Variants in KLHL13 observed in about 807,000 individuals in gnomAD.
The protein encoded by KLHL13 is kelch-like protein 13.
In KLHL13, 10 loss-of-function variants were observed where a neutral mutation model predicts 37.1. The ratio of observed to expected loss-of-function variants is 0.27; its 90% CI spans 0.17 to 0.46. The LOEUF (loss-of-function observed/expected upper bound fraction) is 0.46. KLHL13 is among the 20% of genes least tolerant of loss of function. KLHL13 has a pLI of 1.00. For synonymous variants in KLHL13, 163 were observed against 181.2 expected, an observed-to-expected ratio of 0.90 and a Z score of 0.81; for missense variants, 360 against 509.3, an observed-to-expected ratio of 0.71 and a Z score of 2.82.
chrX:117,898,736 C>T lies in KLHL13; in HGVS notation c.*172G>A. 5.9e-6 allele frequency: 3 copies of T among 511,618 alleles called. No individual in the cohort carries two copies. In the East Asian group the frequency reaches 1.1e-4, roughly 19 times the overall value. 42.2% of individuals were successfully genotyped at this position (511,618 alleles called of 1,213,427 possible). A position where few individuals can be genotyped will look rare whatever the true frequency, so the allele number is the denominator to read the frequency against. ...AATGGTTGTGTTACCACTTTATAAA[C>T]ATTCTAGGCCAAACAAAGAGCACAA... On this transcript the variant is annotated 3_prime_UTR_variant, in exon 7 of 7. Coordinates refer to ENST00000262820, the Ensembl canonical transcript of KLHL13.
chrX:118,085,885 T>C lies in KLHL13; in HGVS notation c.-56+30623A>G, dbSNP rs1481430579. ...CACTCATCAGCTGATGGTCACTTAGTTTGATTCCCTATCTTTGCAGTTGTG... is the reference window on the plus strand; with the variant it reads ...CACTCATCAGCTGATGGTCACTTAGCTTGATTCCCTATCTTTGCAGTTGTG... On this transcript the variant is annotated intron_variant, in intron 1 of 6. Transcript: ENST00000371882. Among the ~76,000 whole-genome samples the C allele has an allele frequency of 1.2e-3, 129 of 107,554 alleles. 13 individuals carry two copies. The highest frequency in any genetic ancestry group is 3.8e-5 in the Non-Finnish European group (2 of 51,998). 93.4% of individuals were successfully genotyped at this position (107,554 alleles called of 115,157 possible). A position where few individuals can be genotyped will look rare whatever the true frequency, so the allele number is the denominator to read the frequency against.
intron 1 of KLHL13, among the ~76,000 whole-genome samples, chrX:117,993,128 G>C (rs1025368013): frequency 8.9e-6 from 1 of 112,275 alleles, no homozygotes; most frequent in African/African-American, 3.2e-5. Context: ...GTTTCACAGA[G>C]GTGACATCTG....
intron 1 of KLHL13, among the ~76,000 whole-genome samples, chrX:118,070,351 T>A (rs2054844905): frequency 8.9e-6 from 1 of 112,630 alleles, no homozygotes; most frequent in African/African-American, 3.2e-5. Flanking sequence ...TCTATTAGGA[T>A]TTCTTTCACC....
intron 1 of KLHL13, among the ~76,000 whole-genome samples, chrX:118,008,209 CTG>C (rs2054009255): frequency 9.0e-6 from 1 of 111,665 alleles, no homozygotes; most frequent in African/African-American, 3.3e-5. Context: ...CACCTTGTAA[CTG>C]TGTTTGCTGG....
At chrX:117,965,933 C>G (rs1374079053) in intron 1 of KLHL13, among the ~76,000 whole-genome samples, 1 of 111,390 alleles carries the variant, frequency 9.0e-6, no homozygotes, top group Non-Finnish European at 1.9e-5. Context: ...CTATGACAAA[C>G]CCACAGCCAA....
chrX:117,919,412 A>G (rs1931568863), intron 4 of KLHL13, 109 bp downstream of exon 5: 1 of 603,382 alleles, frequency 1.7e-6, no homozygotes, highest in African/African-American at 2.3e-5. Context: ...ACAACAAGAC[A>G]CATCTGTCTA....
intron 1 of KLHL13, among the ~76,000 whole-genome samples, chrX:117,998,563 T>G (rs538676241): frequency 3.5e-4 from 39 of 111,439 alleles, no homozygotes; most frequent in African/African-American, 1.2e-3. Flanking sequence ...AGAAAGTGAC[T>G]TCTGCTCAAG....
chrX:117,901,910 C>A, exon 6 of KLHL13: 1 of 1,185,637 alleles, frequency 8.4e-7, no homozygotes, highest in Non-Finnish European at 1.1e-6. Context: ...AACATAGGTC[C>A]ATTCATTTGT....
intron 1 of KLHL13, among the ~76,000 whole-genome samples, chrX:118,033,387 A>T (rs868425845): frequency 5.4e-5 from 6 of 111,869 alleles, no homozygotes; most frequent in South Asian, 3.8e-4. Context: ...GACTAACAGC[A>T]GATCTCTCGG....
rs186115281 is a variant in KLHL13, at chrX:118,111,671, T to C, written c.-56+4837A>G. Reference sequence around the variant, plus strand: ...ACTTTGGGAGGCCGAGGCAGGTGGATCACGAGGTCAGAAGATCGAGACCAT... The same window carrying C: ...ACTTTGGGAGGCCGAGGCAGGTGGACCACGAGGTCAGAAGATCGAGACCAT... On this transcript the variant is annotated intron_variant, in intron 1 of 6. Transcript: ENST00000371882. Among the ~76,000 whole-genome samples the C allele has an allele frequency of 9.3e-3, 1,046 of 112,327 alleles. 13 individuals are homozygous for C. Among genetic ancestry groups the C allele is most frequent in the African/African-American group, 0.032 (985 of 30,935 alleles).
At chrX:117,901,839 T>G in exon 6 of KLHL13, 1 of 1,104,038 alleles carries the variant, frequency 9.1e-7, no homozygotes, top group Non-Finnish European at 1.2e-6. Context: ...TTACCTGAAA[T>G]ATACATCACT....
At chrX:117,937,315 A>C (rs1932797913) in intron 2 of KLHL13, among the ~76,000 whole-genome samples, 1 of 111,644 alleles carries the variant, frequency 9.0e-6, no homozygotes, top group African/African-American at 3.3e-5. Flanking sequence ...AGCAACATAG[A>C]GTGGTATCTC....
intron 1 of KLHL13, among the ~76,000 whole-genome samples, chrX:117,963,515 C>A (rs1388152060): frequency 1.8e-5 from 2 of 109,854 alleles, no homozygotes; most frequent in Admixed American, 9.8e-5. Flanking sequence ...GTGAATAGTG[C>A]CGCAATAAAC....
At chrX:117,980,026 C>T (rs898247140) in intron 1 of KLHL13, among the ~76,000 whole-genome samples, 1 of 111,958 alleles carries the variant, frequency 8.9e-6, no homozygotes, top group African/African-American at 3.2e-5. Flanking sequence ...AAGAATATGG[C>T]TCTATTGAAT....
intron 4 of KLHL13, among the ~76,000 whole-genome samples, chrX:117,914,987 C>A (rs912864053): frequency 1.8e-5 from 2 of 111,302 alleles, no homozygotes; most frequent in African/African-American, 6.5e-5. Context: ...AATGGATGGC[C>A]GACCATAAGC....
intron 1 of KLHL13, among the ~76,000 whole-genome samples, chrX:117,959,802 A>G (rs1332286118): frequency 1.8e-5 from 2 of 111,533 alleles, no homozygotes; most frequent in African/African-American, 6.5e-5. Context: ...TTGAAACCAG[A>G]AAAAAAAGTG....
At position 118,081,391 on chromosome X, in the gene KLHL13, T is replaced by C. The variant is rs181164018; in HGVS notation, c.-56+35117A>G. ...ATGGGAGCATGGGTTTTGGAACAAC[T>C]TGTCAATATCTATAAAAAAATAAGA... On this transcript the variant is annotated intron_variant, in intron 1 of 6. Coordinates refer to the KLHL13 transcript ENST00000371882. 3.1e-3 allele frequency among the ~76,000 whole-genome samples: 350 copies of C among 111,743 alleles called. 4 individuals carry two copies. Among genetic ancestry groups the C allele is most frequent in the African/African-American group, 0.011 (329 of 30,820 alleles).
At chrX:118,027,266 TGA>T (rs1259385289) in intron 1 of KLHL13, among the ~76,000 whole-genome samples, 19 of 111,617 alleles carry the variant, frequency 1.7e-4, no homozygotes, top group Non-Finnish European at 3.2e-4. Flanking sequence ...GGCAATTTTG[TGA>T]GAGTTTTGAT....
intron 2 of KLHL13, among the ~76,000 whole-genome samples, chrX:117,922,443 T>C (rs924529846): frequency 8.9e-6 from 1 of 111,767 alleles, no homozygotes; most frequent in African/African-American, 3.3e-5. Flanking sequence ...ACTTAATATA[T>C]GTTCCATTAA....
Sources: gnomAD v4.1 joint callset for allele counts (sites outside exome capture counted in the v4.1 genomes callset) on GRCh38, gnomAD v4.1.1 for gene constraint, MANE v1.5 for transcripts, NCBI Gene and HGNC (gene_info 2026-07-23, HGNC 2026-07-21) for gene names.